DAG1: variants seen among roughly 807,000 people sequenced by gnomAD.
DAG1 encodes the protein dystroglycan 1 (dystrophin-associated glycoprotein 1).
Under a neutral mutation model 46.1 loss-of-function variants are expected in DAG1, and 8 were observed. The ratio of observed to expected loss-of-function variants is 0.17; its 90% CI spans 0.10 to 0.31. The LOEUF (loss-of-function observed/expected upper bound fraction) is 0.31, where lower values mean the gene tolerates loss of function less well. Ranked by LOEUF, DAG1 falls within the 10% of genes least tolerant of loss-of-function variation. DAG1 has a pLI of 1.00. For synonymous variants in DAG1, 495 were observed against 481.8 expected, an observed-to-expected ratio of 1.03 and a Z score of -0.36; for missense variants, 1,003 against 1,189.9, an observed-to-expected ratio of 0.84 and a Z score of 2.31.
intron 1 of DAG1, among the ~76,000 whole-genome samples, chr3:49,491,766 G>A (rs542346859): frequency 2.9e-4 from 44 of 152,058 alleles, no homozygotes; most frequent in Middle Eastern, 3.4e-3. Flanking sequence ...GTGAGCCACC[G>A]CGCCCGGCCT....
intron 1 of DAG1, among the ~76,000 whole-genome samples, chr3:49,482,307 C>T (rs764363603): frequency 1.8e-4 from 27 of 152,146 alleles, no homozygotes; most frequent in Non-Finnish European, 3.5e-4. Context: ...ACCTGACCTT[C>T]CCCCAGCCCG....
chr3:49,507,206 T>C (rs2050627135), intron 1 of DAG1, among the ~76,000 whole-genome samples: 1 of 151,840 alleles, frequency 6.6e-6, no homozygotes, highest in Admixed American at 6.6e-5. Flanking sequence ...AAAGAAAAGA[T>C]TGGTAGAACT....
At chr3:49,481,052 C>A (rs1156521885) in intron 1 of DAG1, among the ~76,000 whole-genome samples, 4 of 148,254 alleles carry the variant, frequency 2.7e-5, no homozygotes, top group Non-Finnish European at 6.0e-5. Flanking sequence ...TGAGCCACCA[C>A]GCCCGGCCTG....
At chr3:49,477,272 C>T (rs935967936) in intron 1 of DAG1, among the ~76,000 whole-genome samples, 8 of 151,898 alleles carry the variant, frequency 5.3e-5, no homozygotes, top group African/African-American at 1.9e-4. Flanking sequence ...GCTGGGATTA[C>T]AGGGGTGAGC....
At chr3:49,484,632 C>G (rs2049971348) in intron 1 of DAG1, among the ~76,000 whole-genome samples, 1 of 152,102 alleles carries the variant, frequency 6.6e-6, no homozygotes. Flanking sequence ...TCCTGGCCTC[C>G]TCACTTCCAT....
chr3:49,479,457 G>A (rs1270574744), intron 1 of DAG1, among the ~76,000 whole-genome samples: 2 of 150,280 alleles, frequency 1.3e-5, no homozygotes, highest in Non-Finnish European at 3.0e-5. Flanking sequence ...CGACAAGTGC[G>A]TGCCACCACA....
At chr3:49,501,771 G>A (rs975537079) in intron 1 of DAG1, among the ~76,000 whole-genome samples, 31 of 148,518 alleles carry the variant, frequency 2.1e-4, no homozygotes, top group Admixed American at 4.1e-4. Flanking sequence ...CCGAGATCAT[G>A]CCACTGTACT....
intron 1 of DAG1, among the ~76,000 whole-genome samples, chr3:49,482,555 GGAGA>G (rs1366466538): frequency 1.3e-5 from 2 of 152,144 alleles, no homozygotes; most frequent in East Asian, 1.9e-4. Flanking sequence ...ATGTTTGGGT[GGAGA>G]GAAACATAAA....
At chr3:49,520,233 G>T (rs1002490860) in intron 2 of DAG1, among the ~76,000 whole-genome samples, 3 of 152,228 alleles carry the variant, frequency 2.0e-5, no homozygotes, top group African/African-American at 7.2e-5. Context: ...TTCCTCATTA[G>T]CAGAAGGCCA....
At chr3:49,483,494 A>G (rs996430699) in intron 1 of DAG1, among the ~76,000 whole-genome samples, 3 of 152,024 alleles carry the variant, frequency 2.0e-5, no homozygotes, top group Admixed American at 2.0e-4. Context: ...GTGAGCCACC[A>G]TGCCTGGACT....
intron 2 of DAG1, among the ~76,000 whole-genome samples, chr3:49,526,039 C>T (rs1216712177): frequency 6.6e-6 from 1 of 152,092 alleles, no homozygotes; most frequent in Non-Finnish European, 1.5e-5. Flanking sequence ...TTAGTAGAGA[C>T]AGGGTTTCAC....
intron 1 of DAG1, among the ~76,000 whole-genome samples, chr3:49,473,519 G>T (rs1575330901): frequency 6.6e-6 from 1 of 151,914 alleles, no homozygotes; most frequent in Non-Finnish European, 1.5e-5. Flanking sequence ...ATCTTAACCC[G>T]TGAGAGACAA....
chr3:49,477,522 G>A lies in DAG1; in HGVS notation c.-117+7089G>A, dbSNP rs191781676. ...TGTCTGGGCTGATCTCAAACCCCTGGGCTCAAACGATCCTCCCGCCTCAGC... is the reference window on the plus strand; with the variant it reads ...TGTCTGGGCTGATCTCAAACCCCTGAGCTCAAACGATCCTCCCGCCTCAGC... On this transcript the variant is annotated intron_variant, in intron 1 of 2. Transcript: ENST00000308775. Among the ~76,000 whole-genome samples, 3 of 151,852 alleles carry A rather than the reference G, an allele frequency of 2.0e-5. No homozygotes were observed. The South Asian group carries it at 6.2e-4, about 32-fold the overall frequency.
chr3:49,484,027 A>G (rs549078204), intron 1 of DAG1, among the ~76,000 whole-genome samples: 47 of 152,316 alleles, frequency 3.1e-4, no homozygotes, highest in African/African-American at 1.1e-3. Flanking sequence ...GAAATTTGGT[A>G]GGAAGAGAGT....
At chr3:49,477,560 T>A (rs1418224920) in intron 1 of DAG1, among the ~76,000 whole-genome samples, 1 of 152,220 alleles carries the variant, frequency 6.6e-6, no homozygotes, top group Non-Finnish European at 1.5e-5. Flanking sequence ...CTCAAAGTGC[T>A]GTGATTAATA....
chr3:49,525,777 C>A (rs945676464), intron 2 of DAG1, among the ~76,000 whole-genome samples: 1 of 151,608 alleles, frequency 6.6e-6, no homozygotes, highest in Non-Finnish European at 1.5e-5. Flanking sequence ...CCAGGATGGT[C>A]TTGATCTCCT....
Position 49,486,571 on chromosome 3 carries a change from C to T in DAG1, c.-117+16138C>T, listed in dbSNP as rs186777596. 4.5e-4 allele frequency among the ~76,000 whole-genome samples: 68 copies of T among 151,688 alleles called. No homozygotes were observed. The East Asian group carries it at 0.012, about 27-fold the overall frequency. ...ACTCTGGAGTGTAGTGGCATGATCT[C>T]GGCTCACTGCAAGCTCCACCTCGTG... On this transcript the variant is annotated intron_variant, in intron 1 of 2. Coordinates refer to ENST00000308775, the MANE Select transcript of DAG1 (RefSeq NM_004393.6).
rs767067590 is a variant in DAG1, at chr3:49,531,478, G to T, written c.967G>T (p.Ala323Ser). The stretch of plus-strand genomic sequence containing the variant: ...CCATGCTACACCCACACCTGTCACT[G>T]CCATTGGGCCCCCAACCACGGCTAT... ...QIHATPTPVT[A>S]IGPPTTAIQE... The change falls in exon 3 of 3, where the codon GCC becomes TCC. Residue 323 changes from alanine to serine, a missense_variant. Ala to Ser is a moderately conservative substitution (Grantham distance 99, BLOSUM62 1). This residue lies in a region of DAG1 where 755 missense variants were observed against 854.1 expected (regional missense o/e 0.88). Transcript: ENST00000308775. The surrounding 1 kb of genome is among the most constrained non-coding windows in gnomAD (Gnocchi z 7.0). The T allele has an allele frequency of 1.2e-6, 2 of 1,613,742 alleles. No homozygotes were observed. Among genetic ancestry groups the T allele is most frequent in the Admixed American group, 1.7e-5 (1 of 59,998 alleles).
intron 1 of DAG1, among the ~76,000 whole-genome samples, chr3:49,472,700 A>G (rs973587063): frequency 1.4e-4 from 22 of 152,052 alleles, no homozygotes; most frequent in African/African-American, 4.8e-4. Flanking sequence ...CCAGCTACTC[A>G]GGAGGCTGAG....
Sources: gnomAD v4.1 joint callset for allele counts (sites outside exome capture counted in the v4.1 genomes callset) on GRCh38, gnomAD v4.1.1 for gene constraint, gnomAD v4.1.1 regional missense constraint, Gnocchi (gnomAD v3.1) non-coding constraint, MANE v1.5 for transcripts, NCBI Gene and HGNC (gene_info 2026-07-23, HGNC 2026-07-21) for gene names.